PRKCB: variants seen among roughly 807,000 people sequenced by gnomAD.
PRKCB encodes protein kinase C beta, also known as protein kinase C beta type.
PRKCB carries 13 observed loss-of-function variants against 81.5 expected under a neutral mutation model. The ratio of observed to expected loss-of-function variants is 0.16; its 90% CI spans 0.10 to 0.25. PRKCB has a LOEUF of 0.25. PRKCB is among the 10% of genes least tolerant of loss of function. PRKCB has a pLI of 1.00. For missense variants in PRKCB, 509 were observed against 875.7 expected (o/e 0.58, Z 5.29); for synonymous variants, 335 against 321.4 (o/e 1.04, Z -0.45).
At chr16:24,175,187 C>T (rs190759388) in intron 12 of PRKCB, among the ~76,000 whole-genome samples, 1 of 152,172 alleles carries the variant, frequency 6.6e-6, no homozygotes, top group African/African-American at 2.4e-5. Flanking sequence ...GTACAATTCT[C>T]CTTGTACTAC....
intron 9 of PRKCB, among the ~76,000 whole-genome samples, chr16:24,133,754 A>G (rs1275176034): frequency 6.6e-6 from 1 of 152,152 alleles, no homozygotes; most frequent in African/African-American, 2.4e-5. Flanking sequence ...CTATTATATC[A>G]TATAGAAATT....
At position 24,185,520 on chromosome 16, in the gene PRKCB, G is replaced by A; in HGVS notation, c.1675G>A (p.Ala559Thr). ...LFQSIMEHNV[A>T]YPKSMSKEAV... is the part of the protein sequence containing the mutation. ...CCAATCCATCATGGAACACAACGTA[G>A]CCTATCCCAAGTCTATGTCCAAGGA... is the stretch of plus-strand genomic sequence containing the variant. The change falls in exon 15 of 17, where the codon GCC becomes ACC. Residue 559 changes from alanine (A) to threonine (T), a missense_variant. Coordinates refer to ENST00000643927, the MANE Select transcript of PRKCB (RefSeq NM_002738.7). The A allele has an allele frequency of 6.2e-7, 1 of 1,614,152 alleles. No individual in the cohort carries two copies. Among genetic ancestry groups the A allele is most frequent in the South Asian group, 1.1e-5 (1 of 91,086 alleles).
At position 23,849,969 on chromosome 16, in the gene PRKCB, A is replaced by G. The variant is rs1962445115; in HGVS notation, c.205+12563A>G. Among the ~76,000 whole-genome samples the G allele has an allele frequency of 2.0e-5, 3 of 151,956 alleles. No individual in the cohort carries two copies. In the South Asian group the frequency reaches 6.2e-4, roughly 32 times the overall value. On this transcript the variant is annotated intron_variant, in intron 2 of 16. Coordinates refer to ENST00000643927, the MANE Select transcript of PRKCB (RefSeq NM_002738.7). ...GAAACTTTGTATCCTTTGATCAACAACTCCTTCCCTCATCCCAGATTCTGG... is the reference window on the plus strand; with the variant it reads ...GAAACTTTGTATCCTTTGATCAACAGCTCCTTCCCTCATCCCAGATTCTGG...
chr16:24,157,731 C>G (rs1409362304), intron 10 of PRKCB, among the ~76,000 whole-genome samples: 3 of 150,216 alleles, frequency 2.0e-5, no homozygotes, highest in Non-Finnish European at 3.0e-5. Context: ...AGTGAATTCT[C>G]ACGAGATCTG....
chr16:23,918,974 T>G (rs1389779620), intron 2 of PRKCB, among the ~76,000 whole-genome samples: 2 of 152,252 alleles, frequency 1.3e-5, no homozygotes, highest in Non-Finnish European at 2.9e-5. Context: ...TCACTTATTC[T>G]AAGGAACTTG....
chr16:24,158,739 G>A (rs117802099), intron 10 of PRKCB, among the ~76,000 whole-genome samples: 3,337 of 152,066 alleles, frequency 0.022, 77 homozygotes, highest in Non-Finnish European at 0.034. Flanking sequence ...GCTCACTGCA[G>A]CCTTGGGCTC....
At chr16:23,891,943 A>T (rs922585007) in intron 2 of PRKCB, among the ~76,000 whole-genome samples, 1 of 152,214 alleles carries the variant, frequency 6.6e-6, no homozygotes, top group African/African-American at 2.4e-5. Flanking sequence ...CTTCTTGTGC[A>T]GTTAGAATCC....
chr16:24,138,528 T>TAC (rs1966873378), intron 9 of PRKCB, among the ~76,000 whole-genome samples: 2 of 152,032 alleles, frequency 1.3e-5, no homozygotes, highest in African/African-American at 4.8e-5. Context: ...CTAAGCCATA[T>TAC]ATGTCACCAA....
In PRKCB at chr16:24,024,268, C is replaced by G. The variant is rs138175247; in HGVS notation, c.289-7868C>G. Among the ~76,000 whole-genome samples the G allele has an allele frequency of 1.0e-2, 1,516 of 152,254 alleles. 25 individuals carry two copies. The highest frequency in any genetic ancestry group is 0.035 in the African/African-American group (1,442 of 41,534). ...AGATGTGGAATCTAATGAAGTTGAA[C>G]TCACAGAAGTAGAGAGTAGAATGAT... On this transcript the variant is annotated intron_variant, in intron 3 of 16. Transcript: ENST00000643927.
intron 2 of PRKCB, among the ~76,000 whole-genome samples, chr16:23,946,861 C>CT (rs10690650): frequency 0.54 from 79,317 of 146,704 alleles, 21,648 homozygotes; most frequent in East Asian, 0.63. Flanking sequence ...TTGTCTTTGT[C>CT]TTTTTTTTTT....
chr16:24,023,410 C>A (rs960141893), intron 3 of PRKCB, among the ~76,000 whole-genome samples: 2 of 152,028 alleles, frequency 1.3e-5, no homozygotes, highest in African/African-American at 4.8e-5. Flanking sequence ...GCTCTGTCAC[C>A]CAGGCTGGAG....
At chr16:24,052,851 AGT>A (rs1188587596) in intron 5 of PRKCB, among the ~76,000 whole-genome samples, 15 of 152,296 alleles carry the variant, frequency 9.8e-5, no homozygotes, top group Admixed American at 9.8e-4. Flanking sequence ...TGTCTCATTC[AGT>A]GACTTAGAAT....
intron 16 of PRKCB, among the ~76,000 whole-genome samples, chr16:24,201,435 A>G (rs1237447104): frequency 6.6e-6 from 1 of 152,194 alleles, no homozygotes; most frequent in Non-Finnish European, 1.5e-5. Flanking sequence ...TTGGGCACAT[A>G]GCAACTCCCA....
intron 8 of PRKCB, among the ~76,000 whole-genome samples, chr16:24,118,368 T>C (rs9926924): frequency 0.34 from 52,036 of 152,208 alleles, 9,480 homozygotes; most frequent in East Asian, 0.71. Flanking sequence ...TTATAATTAT[T>C]GTCTCCCCCT....
chr16:24,146,107 G>A (rs1966985321), intron 9 of PRKCB, among the ~76,000 whole-genome samples: 1 of 152,106 alleles, frequency 6.6e-6, no homozygotes, highest in Non-Finnish European at 1.5e-5. Flanking sequence ...TAAAAGCCAG[G>A]GAGTGCCAAC....
At chr16:24,032,334 C>A in intron 4 of PRKCB, 87 bp downstream of exon 4, 1 of 858,280 alleles carries the variant, frequency 1.2e-6, no homozygotes, top group Non-Finnish European at 1.9e-6. Context: ...TCCAGGTCTG[C>A]CATACATTCC....
At chr16:23,959,687 T>C (rs1433496280) in intron 2 of PRKCB, among the ~76,000 whole-genome samples, 2 of 150,646 alleles carry the variant, frequency 1.3e-5, no homozygotes, top group East Asian at 3.9e-4. Flanking sequence ...CCTGCAATCT[T>C]GGGTGTCACT....
intron 2 of PRKCB, among the ~76,000 whole-genome samples, chr16:23,969,292 C>A (rs62029569): frequency 0.078 from 11,850 of 152,220 alleles, 664 homozygotes; most frequent in South Asian, 0.15. Flanking sequence ...GACCCTAGAA[C>A]CAAGTAGGTG....
At chr16:24,122,286 G>A (rs1272719296) in intron 8 of PRKCB, among the ~76,000 whole-genome samples, 1 of 152,088 alleles carries the variant, frequency 6.6e-6, no homozygotes, top group Non-Finnish European at 1.5e-5. Flanking sequence ...CAGTGCGGAA[G>A]TAGAAAGGAG....
Sources: gnomAD v4.1 joint callset for allele counts (sites outside exome capture counted in the v4.1 genomes callset) on GRCh38, gnomAD v4.1.1 for gene constraint, MANE v1.5 for transcripts, NCBI Gene and HGNC (gene_info 2026-07-23, HGNC 2026-07-21) for gene names.